The following TRPM2 variants were observed in gnomAD, a reference collection of about 807,000 sequenced individuals.
TRPM2 encodes the protein transient receptor potential cation channel subfamily M member 2, also known as estrogen-responsive element-associated gene 1 protein.
A neutral mutation model predicts 174.0 loss-of-function variants in TRPM2; 161 were observed. The observed-to-expected ratio is 0.93, with a 90% CI of 0.81 to 1.05. The LOEUF is 1.05. Among genes scored for constraint, TRPM2 ranks in the 50% least tolerant of loss-of-function variants. The probability of loss-of-function intolerance (pLI) is 0.00; values close to 1 mark genes in which losing one functional copy is unlikely to be tolerated. For missense variants in TRPM2, 2,057 were observed against 2,038.0 expected (o/e 1.01, Z -0.18); for synonymous variants, 954 against 861.3 (o/e 1.11, Z -1.88).
chr21:44,413,431 C>T (rs998561781), intron 19 of TRPM2, among the ~76,000 whole-genome samples: 1 of 152,038 alleles, frequency 6.6e-6, no homozygotes. Flanking sequence ...TTAGTAGAGA[C>T]AAGGTTTCAC....
chr21:44,425,420 C>T (rs1179087541), intron 24 of TRPM2: 7 of 447,544 alleles, frequency 1.6e-5, no homozygotes, highest in East Asian at 1.3e-4. Flanking sequence ...AGCTCATTGC[C>T]GAGGGCCCTG....
chr21:44,414,112 G>A, intron 20 of TRPM2, 38 bp downstream of exon 20: 1 of 1,590,520 alleles, frequency 6.3e-7, no homozygotes, highest in Non-Finnish European at 8.6e-7. Flanking sequence ...AGGTGGGTGG[G>A]TGGGCGGCGT....
At position 44,367,987 on chromosome 21, in the gene TRPM2, C is replaced by T. The variant is rs1379108321; in HGVS notation, c.604+1053C>T. On this transcript the variant is annotated intron_variant, in intron 4 of 31. Transcript: ENST00000397928. This position sits in a 1 kb window ranked among gnomAD's most constrained non-coding sequence, Gnocchi z 4.6. Reference sequence around the variant, plus strand: ...ATGCCATGGATTTGTTCAGGTCTCACCTGCTCCAGGTCTTGATGTTGCATT... The same window carrying T: ...ATGCCATGGATTTGTTCAGGTCTCATCTGCTCCAGGTCTTGATGTTGCATT... 1.3e-5 allele frequency among the ~76,000 whole-genome samples: 2 copies of T among 152,252 alleles called. No individual in the cohort carries two copies. The highest frequency in any genetic ancestry group is 2.9e-5 in the Non-Finnish European group (2 of 68,046).
chr21:44,351,992 T>C (rs1361181593), upstream of TRPM2, among the ~76,000 whole-genome samples: 1 of 152,156 alleles, frequency 6.6e-6, no homozygotes, highest in Non-Finnish European at 1.5e-5. Flanking sequence ...GGGGTCTTCG[T>C]TTCCAGCGTG....
chr21:44,379,694 C>T (rs2048820220), intron 8 of TRPM2, among the ~76,000 whole-genome samples: 1 of 152,214 alleles, frequency 6.6e-6, no homozygotes, highest in African/African-American at 2.4e-5. Flanking sequence ...TGACCCCAGC[C>T]TCCAGAGGGG....
intron 18 of TRPM2, among the ~76,000 whole-genome samples, 171 bp from the exon 19 acceptor site, chr21:44,406,423 G>A (rs753161027): frequency 7.2e-5 from 11 of 152,052 alleles, no homozygotes; most frequent in African/African-American, 2.2e-4. Flanking sequence ...CAAAGATGTC[G>A]GCAGTCCACG....
At position 44,401,799 on chromosome 21, in the gene TRPM2, G is replaced by A. The variant is rs558720900; in HGVS notation, c.2440G>A (p.Ala814Thr). ...CTACTTCGCCTTCCTCTGCCTGTTCGCCTACGTGCTCATGGTGGACTTCCA... is the reference window on the plus strand; with the variant it reads ...CTACTTCGCCTTCCTCTGCCTGTTCACCTACGTGCTCATGGTGGACTTCCA... ...LSYFAFLCLF[A>T]YVLMVDFQPV... The change falls in exon 16 of 32, where the codon GCC becomes ACC. Residue 814 changes from alanine (A) to threonine (T), a missense_variant. Coordinates refer to ENST00000397928, the MANE Select transcript of TRPM2 (RefSeq NM_003307.4). 16 of 1,613,852 alleles carry A rather than the reference G, an allele frequency of 9.9e-6. No homozygotes were observed. Among genetic ancestry groups the A allele is most frequent in the East Asian group, 6.7e-5 (3 of 44,876 alleles).
chr21:44,407,026 G>A (rs899993704), intron 19 of TRPM2, among the ~76,000 whole-genome samples: 3 of 149,606 alleles, frequency 2.0e-5, no homozygotes, highest in Admixed American at 2.0e-4. Flanking sequence ...GAGGGCACCT[G>A]GGGCATCAGC....
chr21:44,376,511 G>A lies in TRPM2; in HGVS notation c.952+498G>A, dbSNP rs1015922421. 3.9e-5 allele frequency among the ~76,000 whole-genome samples: 6 copies of A among 152,134 alleles called. No individual in the cohort carries two copies. Among genetic ancestry groups the A allele is most frequent in the Admixed American group, 3.3e-4 (5 of 15,274 alleles). On this transcript the variant is annotated intron_variant, in intron 6 of 31. Transcript: ENST00000397928. The surrounding 1 kb of genome is among the most constrained non-coding windows in gnomAD (Gnocchi z 4.2). ...GATCCTCCCATCACCCTCCCAAAGT[G>A]CTGGGATTACAAGCTTGAACCACTG...
At position 44,399,372 on chromosome 21, in the gene TRPM2, G is replaced by C. The variant is rs775121487; in HGVS notation, c.2139G>C (p.Gly713=). The C allele has an allele frequency of 1.2e-6, 2 of 1,612,760 alleles. No individual in the cohort carries two copies. Among genetic ancestry groups the C allele is most frequent in the Admixed American group, 3.3e-5 (2 of 59,998 alleles). ...KLLTRVSEAW[G]KTTCLQLALE... is the part of the protein sequence containing the mutation. ...TCACCCGCGTGTCCGAGGCCTGGGGGAAGACCACCTGCCTGCAGCTCGCCC... is the reference window on the plus strand; with the variant it reads ...TCACCCGCGTGTCCGAGGCCTGGGGCAAGACCACCTGCCTGCAGCTCGCCC... Residue 713 remains glycine, a synonymous_variant, in exon 14 of 32, where the codon GGG becomes GGC. Coordinates refer to ENST00000397928, the MANE Select transcript of TRPM2 (RefSeq NM_003307.4). The surrounding 1 kb of genome is among the most constrained non-coding windows in gnomAD (Gnocchi z 4.6).
At chr21:44,392,875 G>A (rs929571731) in intron 11 of TRPM2, among the ~76,000 whole-genome samples, 3 of 152,142 alleles carry the variant, frequency 2.0e-5, no homozygotes, top group African/African-American at 7.2e-5. Flanking sequence ...GTATTTTTGT[G>A]AGATGCCCAG....
Position 44,395,515 on chromosome 21 carries a change from GA to G in TRPM2, c.1898del (p.Asn633ThrfsTer27), listed in dbSNP as rs2049321023. On this transcript the variant is annotated frameshift_variant, in exon 12 of 32. Transcript: ENST00000397928. LOFTEE classifies it high-confidence loss of function. Reference protein sequence around the residue: ...RDLLIWAIVQNRRELAGIIWA... With the variant: ...RDLLIWAIVQXRRELAGIIWA... ...ACCTTCTCATTTGGGCCATTGTCCA[GA>G]ACCGTCGGGAGCTGGCAGGAATCAT... 3 of 1,612,974 alleles carry G rather than the reference GA, an allele frequency of 1.9e-6. No individual in the cohort carries two copies. The African/African-American group carries it at 4.0e-5, about 22-fold the overall frequency.
At chr21:44,364,306 T>G in intron 3 of TRPM2, 24 bp downstream of exon 3, 1 of 1,611,758 alleles carries the variant, frequency 6.2e-7, no homozygotes, top group South Asian at 1.1e-5. Flanking sequence ...ACTCTCGCTC[T>G]GAACTGTAGG....
In TRPM2 at chr21:44,368,342, A is replaced by G. The variant is rs143551760; in HGVS notation, c.605-835A>G. 7.9e-3 allele frequency among the ~76,000 whole-genome samples: 1,204 copies of G among 151,592 alleles called. 13 individuals are homozygous for G. Among genetic ancestry groups the G allele is most frequent in the African/African-American group, 0.027 (1,125 of 41,292 alleles). On this transcript the variant is annotated intron_variant, in intron 4 of 31. Transcript: ENST00000397928. ...GGCTGGTCTTGAACTCCTGGGCTCAAGTAATCTTCCTGCCTTGGCCTCCCA... is the reference window on the plus strand; with the variant it reads ...GGCTGGTCTTGAACTCCTGGGCTCAGGTAATCTTCCTGCCTTGGCCTCCCA...
intron 28 of TRPM2, among the ~76,000 whole-genome samples, chr21:44,436,431 A>C (rs2051268630): frequency 6.6e-6 from 1 of 151,194 alleles, no homozygotes; most frequent in Admixed American, 6.6e-5. Context: ...GGTGCGAGTC[A>C]CTCTCTGCTC....
At chr21:44,411,121 TTTGTTCTTTTCCAGGA>T (rs1245083540) in intron 19 of TRPM2, among the ~76,000 whole-genome samples, 23 of 152,194 alleles carry the variant, frequency 1.5e-4, no homozygotes, top group Non-Finnish European at 2.6e-4. Context: ...TGAGTCCTAA[TTTGTTCTTTTCCAGGA>T]TTGCTTTGGC....
intron 11 of TRPM2, among the ~76,000 whole-genome samples, chr21:44,392,138 A>AT (rs1479432301): frequency 6.9e-6 from 1 of 144,572 alleles, no homozygotes; most frequent in Non-Finnish European, 1.5e-5. Context: ...CTAATTTTTT[A>AT]TTTTTTTGTA....
intron 2 of TRPM2, among the ~76,000 whole-genome samples, chr21:44,358,450 G>A (rs376496328): frequency 2.0e-5 from 3 of 152,238 alleles, no homozygotes; most frequent in Non-Finnish European, 2.9e-5. Flanking sequence ...TTTCCCGTGG[G>A]GTGCCGGGGG....
intron 30 of TRPM2, among the ~76,000 whole-genome samples, chr21:44,440,317 A>AG (rs1213103814): frequency 2.1e-4 from 1 of 4,750 alleles, no homozygotes; most frequent in East Asian, 0.018. Flanking sequence ...AAAAAAAAAA[A>AG]AAAAAAAAAA....
Sources: gnomAD v4.1 joint callset for allele counts (sites outside exome capture counted in the v4.1 genomes callset) on GRCh38, gnomAD v4.1.1 for gene constraint, Gnocchi (gnomAD v3.1) non-coding constraint, MANE v1.5 for transcripts, NCBI Gene and HGNC (gene_info 2026-07-23, HGNC 2026-07-21) for gene names.